The following LARGE1 variants were observed in gnomAD, a reference collection of about 807,000 sequenced individuals.
LARGE1 encodes xylosyl- and glucuronyltransferase LARGE1.
A neutral mutation model predicts 87.6 loss-of-function variants in LARGE1; 43 were observed. The ratio of observed to expected loss-of-function variants is 0.49; its 90% CI spans 0.38 to 0.63. The LOEUF (loss-of-function observed/expected upper bound fraction) is 0.63. Among genes scored for constraint, LARGE1 ranks in the 30% least tolerant of loss-of-function variants. The pLI is 0.00. For missense variants in LARGE1, 802 were observed against 1,000.2 expected, an observed-to-expected ratio of 0.80 and a Z score of 2.67; for synonymous variants, 434 against 394.6, an observed-to-expected ratio of 1.10 and a Z score of -1.18.
At chr22:33,344,980 A>T (rs1408740912) in intron 9 of LARGE1, among the ~76,000 whole-genome samples, 2 of 152,180 alleles carry the variant, frequency 1.3e-5, no homozygotes, top group African/African-American at 2.4e-5. Flanking sequence ...TGCACCCAAA[A>T]TAGATTTTTG....
At chr22:33,279,852 T>C (rs1930087995) in intron 13 of LARGE1, among the ~76,000 whole-genome samples, 1 of 152,332 alleles carries the variant, frequency 6.6e-6, no homozygotes, top group South Asian at 2.1e-4. Context: ...GCACAGCTGA[T>C]GGCCGTGAAC....
At chr22:33,079,132 T>G in the LARGE1 span, among the ~76,000 whole-genome samples, 1 of 151,756 alleles carries the variant, frequency 6.6e-6, no homozygotes, top group Non-Finnish European at 1.5e-5. Context: ...TCCCTAGTAG[T>G]GTAGGGTGAT....
intron 1 of LARGE1, among the ~76,000 whole-genome samples, chr22:33,910,342 A>C (rs1045413378): frequency 6.6e-6 from 1 of 152,166 alleles, no homozygotes; most frequent in Non-Finnish European, 1.5e-5. Flanking sequence ...ATAAGAATTA[A>C]AGTATGTAGA....
rs142886298 is a variant in LARGE1 at position 33,235,808 on chromosome 22, C to A, written c.1730+68421G>T. On this transcript the variant is annotated intron_variant, in intron 11 of 11. Coordinates refer to the LARGE1 transcript ENST00000608642. Reference sequence around the variant, plus strand: ...CTAGTGGTCAAAGCAATCACAAGACCTGCTCAGATTCAAAGGAGTTATACT... The same window carrying A: ...CTAGTGGTCAAAGCAATCACAAGACATGCTCAGATTCAAAGGAGTTATACT... 5.3e-5 allele frequency among the ~76,000 whole-genome samples: 8 copies of A among 152,218 alleles called. No individual in the cohort carries two copies. In the East Asian group the frequency reaches 7.7e-4, roughly 15 times the overall value.
chr22:33,693,582 C>T (rs951355642), intron 2 of LARGE1, among the ~76,000 whole-genome samples: 2 of 152,060 alleles, frequency 1.3e-5, no homozygotes, highest in South Asian at 2.1e-4. Context: ...TCCCAGCCTT[C>T]GGGAGGCCGA....
At chr22:33,201,994 G>A (rs747157014) in intron 11 of LARGE1, among the ~76,000 whole-genome samples, 1 of 151,984 alleles carries the variant, frequency 6.6e-6, no homozygotes, top group Non-Finnish European at 1.5e-5. Context: ...AAATTAGCTG[G>A]GCGTGGTGGC....
At chr22:33,786,030 C>T (rs1232358959) in intron 1 of LARGE1, among the ~76,000 whole-genome samples, 1 of 152,078 alleles carries the variant, frequency 6.6e-6, no homozygotes, top group Non-Finnish European at 1.5e-5. Context: ...TGCCTGGAGG[C>T]CAAGTCTGAC....
chr22:33,860,604 C>T (rs990512982), intron 1 of LARGE1, among the ~76,000 whole-genome samples: 9 of 152,150 alleles, frequency 5.9e-5, no homozygotes, highest in African/African-American at 2.2e-4. Flanking sequence ...TGACACTCAG[C>T]GTCCTGAGCT....
At chr22:33,696,683 T>C (rs2082263889) in intron 2 of LARGE1, among the ~76,000 whole-genome samples, 1 of 152,346 alleles carries the variant, frequency 6.6e-6, no homozygotes, top group East Asian at 1.9e-4. Flanking sequence ...TGTTTTATTT[T>C]AATTTTAGCC....
At chr22:33,291,584 C>T (rs1333960874) in intron 12 of LARGE1, among the ~76,000 whole-genome samples, 1 of 151,676 alleles carries the variant, frequency 6.6e-6, no homozygotes, top group South Asian at 2.1e-4. Context: ...CTCATGAATA[C>T]ATTAATGCAT....
chr22:33,229,869 A>G (rs1231457671), intron 11 of LARGE1, among the ~76,000 whole-genome samples: 8 of 152,142 alleles, frequency 5.3e-5, no homozygotes, highest in African/African-American at 1.9e-4. Context: ...TAAAGACAAA[A>G]GTAAAACCTT....
chr22:33,625,367 A>G (rs1344182611), intron 4 of LARGE1, among the ~76,000 whole-genome samples: 1 of 152,224 alleles, frequency 6.6e-6, no homozygotes, highest in African/African-American at 2.4e-5. Flanking sequence ...GAAGTGTCAC[A>G]TGGAGAAGAG....
intron 11 of LARGE1, among the ~76,000 whole-genome samples, chr22:33,200,553 A>T (rs137445): frequency 0.56 from 85,316 of 151,552 alleles, 24,304 homozygotes; most frequent in Middle Eastern, 0.62. Flanking sequence ...TATTCATAAC[A>T]GCATTATTCA....
intron 2 of LARGE1, among the ~76,000 whole-genome samples, chr22:33,682,617 C>T (rs2081810763): frequency 6.6e-6 from 1 of 152,212 alleles, no homozygotes; most frequent in South Asian, 2.1e-4. Flanking sequence ...GTATGAAATC[C>T]TTTATCATCA....
intron 2 of LARGE1, among the ~76,000 whole-genome samples, chr22:33,727,007 GA>G (rs1231649559): frequency 3.9e-5 from 6 of 152,296 alleles, no homozygotes; most frequent in Middle Eastern, 3.4e-3. Context: ...AGTAGATTTG[GA>G]AAAGCCGGGT....
At chr22:33,096,047 C>T in the LARGE1 span, among the ~76,000 whole-genome samples, 3 of 152,148 alleles carry the variant, frequency 2.0e-5, no homozygotes, top group Admixed American at 6.5e-5. Context: ...AATTAACCTA[C>T]GGGCTTTTTT....
the LARGE1 span, among the ~76,000 whole-genome samples, chr22:33,120,458 C>T: frequency 1.6e-4 from 23 of 145,506 alleles, no homozygotes; most frequent in South Asian, 2.0e-3. Flanking sequence ...CTCTCTCTCT[C>T]TCTTTCTTTC....
intron 11 of LARGE1, among the ~76,000 whole-genome samples, chr22:33,222,254 C>T (rs150494813): frequency 1.3e-5 from 2 of 152,098 alleles, no homozygotes; most frequent in African/African-American, 4.8e-5. Flanking sequence ...GGGTGCTGCA[C>T]CTGAGTGCTC....
intron 12 of LARGE1, among the ~76,000 whole-genome samples, chr22:33,285,396 C>G (rs1341688167): frequency 6.6e-6 from 1 of 152,130 alleles, no homozygotes; most frequent in African/African-American, 2.4e-5. Flanking sequence ...GAGGCTTAGG[C>G]AGGCGGATCA....
Sources: allele counts gnomAD v4.1 joint callset (sites outside exome capture counted in the v4.1 genomes callset), GRCh38; gene constraint gnomAD v4.1.1; transcripts MANE v1.5; gene names NCBI Gene and HGNC (gene_info 2026-07-23, HGNC 2026-07-21).